MAP4K5: variants seen among roughly 807,000 people sequenced by gnomAD.
MAP4K5 encodes the protein mitogen-activated protein kinase kinase kinase kinase 5, also known as MAPK/ERK kinase kinase kinase 5.
In MAP4K5, 82 loss-of-function variants were observed where a neutral mutation model predicts 135.6. The observed-to-expected ratio is 0.60, with a 90% CI of 0.51 to 0.73. MAP4K5 has a LOEUF of 0.73. Ranked by LOEUF, MAP4K5 falls within the 30% of genes least tolerant of loss-of-function variation. The probability of loss-of-function intolerance (pLI) is 0.00; values close to 1 mark genes in which losing one functional copy is unlikely to be tolerated. For missense variants in MAP4K5, 907 were observed against 1,010.9 expected (o/e 0.90, Z 1.39); for synonymous variants, 347 against 335.0 (o/e 1.04, Z -0.39).
At chr14:50,466,323 A>C (rs181258564) in intron 11 of MAP4K5, among the ~76,000 whole-genome samples, 122 of 144,178 alleles carry the variant, frequency 8.5e-4, no homozygotes, top group Non-Finnish European at 1.6e-3. Flanking sequence ...TTGAGGTTGC[A>C]GTGAGTTATG....
At chr14:50,495,914 CAA>C (rs903437975) in intron 3 of MAP4K5, among the ~76,000 whole-genome samples, 2 of 152,140 alleles carry the variant, frequency 1.3e-5, no homozygotes. Flanking sequence ...GGGGAGGCAG[CAA>C]AGAGTTGTTG....
rs115900617 is a variant in MAP4K5 at position 50,549,792 on chromosome 14, A to C, written c.-179-7208T>G. Reference sequence around the variant, plus strand: ...AAAGGAATGGCCTTTTAAAAACCCAATTACATGCACTGTCCCAGAATGGCT... The same window carrying C: ...AAAGGAATGGCCTTTTAAAAACCCACTTACATGCACTGTCCCAGAATGGCT... On this transcript the variant is annotated intron_variant, in intron 1 of 8. Transcript: ENST00000555216. Among the ~76,000 whole-genome samples, 388 of 152,328 alleles carry C rather than the reference A, an allele frequency of 2.5e-3. 4 individuals are homozygous for C. The highest frequency in any genetic ancestry group is 9.0e-3 in the African/African-American group (376 of 41,572).
chr14:50,454,257 G>A (rs367755410), intron 14 of MAP4K5, among the ~76,000 whole-genome samples: 15 of 152,278 alleles, frequency 9.9e-5, no homozygotes, highest in East Asian at 7.7e-4. Context: ...TCGCCTGGGC[G>A]GAGAGAGGGC....
chr14:50,468,697 C>G lies in MAP4K5; in HGVS notation c.628G>C (p.Glu210Gln). 6.2e-7 allele frequency: 1 copy of G among 1,613,352 alleles called. No individual in the cohort carries two copies. The highest frequency in any genetic ancestry group is 8.5e-7 in the Non-Finnish European group (1 of 1,179,554). The change falls in exon 10 of 33, where the codon GAA (glutamate) becomes CAA (glutamine). Residue 210 changes from glutamate to glutamine, a missense_variant. Glu to Gln is a conservative substitution (Grantham distance 29). Coordinates refer to ENST00000682126, the MANE Select transcript of MAP4K5 (RefSeq NM_006575.6). The stretch of plus-strand genomic sequence containing the variant: ...ATAGGTGGCTGAAGTTCTCCAAGTT[C>G]AATTGCTGTTATTCCTACTGCCCAG... ...DIWAVGITAI[E>Q]LGELQPPMFD... is the part of the protein sequence containing the mutation.
chr14:50,485,501 C>T (rs561329006), intron 5 of MAP4K5, 77 bp downstream of exon 5: 4 of 895,416 alleles, frequency 4.5e-6, no homozygotes, highest in African/African-American at 3.4e-5. Context: ...TGTTAATTTC[C>T]GTGGTTAACT....
At chr14:50,514,465 G>A (rs1370817841) in intron 2 of MAP4K5, among the ~76,000 whole-genome samples, 1 of 152,142 alleles carries the variant, frequency 6.6e-6, no homozygotes, top group African/African-American at 2.4e-5. Context: ...TTAATACTAG[G>A]AATGTAATGA....
chr14:50,481,391 C>T (rs2037239598), intron 6 of MAP4K5, among the ~76,000 whole-genome samples: 1 of 151,280 alleles, frequency 6.6e-6, no homozygotes, highest in Admixed American at 6.6e-5. Flanking sequence ...ATGTGGGAAC[C>T]AACTCTTCAA....
chr14:50,437,906 C>T lies in MAP4K5; in HGVS notation c.1811G>A (p.Arg604Gln), dbSNP rs374938609. ...AHIQTHRFPD[R>Q]ILPRKFALTT... Reference sequence around the variant, plus strand: ...TGATATTTTGTACCTTGGTAGTATTCGGTCTGGAAACCTGTGAGTTTGAAT... The same window carrying T: ...TGATATTTTGTACCTTGGTAGTATTTGGTCTGGAAACCTGTGAGTTTGAAT... The change falls in exon 25 of 33, where the codon CGA (arginine) becomes CAA (glutamine). Residue 604 changes from arginine to glutamine, a missense_variant. Arg to Gln is a conservative substitution (Grantham distance 43). This residue lies in a region of MAP4K5 where 690 missense variants were observed against 777.4 expected (regional missense o/e 0.89). Transcript: ENST00000682126. 1.8e-5 allele frequency: 29 copies of T among 1,594,754 alleles called. No homozygotes were observed. Among genetic ancestry groups the T allele is most frequent in the African/African-American group, 4.0e-5 (3 of 74,440 alleles).
At chr14:50,451,422 T>A (rs1349113495) in intron 14 of MAP4K5, among the ~76,000 whole-genome samples, 1 of 152,162 alleles carries the variant, frequency 6.6e-6, no homozygotes, top group South Asian at 2.1e-4. Context: ...TGGCCAAGCA[T>A]TTTCCAAATT....
intron 10 of MAP4K5, among the ~76,000 whole-genome samples, chr14:50,467,677 CT>C (rs1037495308): frequency 1.3e-5 from 2 of 152,024 alleles, no homozygotes; most frequent in Non-Finnish European, 2.9e-5. Context: ...TTATAATCCC[CT>C]AAACGGTGGA....
chr14:50,507,602 T>G (rs2037838182), intron 2 of MAP4K5, among the ~76,000 whole-genome samples: 1 of 152,260 alleles, frequency 6.6e-6, no homozygotes, highest in Non-Finnish European at 1.5e-5. Context: ...CATTTCGTTA[T>G]GTACCCAGTA....
intron 2 of MAP4K5, among the ~76,000 whole-genome samples, chr14:50,513,656 A>G (rs1268066520): frequency 6.6e-6 from 1 of 152,038 alleles, no homozygotes; most frequent in Non-Finnish European, 1.5e-5. Flanking sequence ...ATCACCATGA[A>G]GAAAAATGAA....
intron 13 of MAP4K5, among the ~76,000 whole-genome samples, chr14:50,459,947 C>T (rs570154558): frequency 5.9e-5 from 9 of 151,940 alleles, no homozygotes; most frequent in South Asian, 2.1e-4. Context: ...GTGATCCAGC[C>T]GCCTCAGCCT....
intron 3 of MAP4K5, among the ~76,000 whole-genome samples, chr14:50,491,735 G>C (rs1420574498): frequency 6.7e-6 from 1 of 149,192 alleles, no homozygotes. Context: ...GCCCAGGCTA[G>C]AGTACAGTGG....
chr14:50,532,777 G>A (rs1452127464), upstream of MAP4K5: 5 of 152,806 alleles, frequency 3.3e-5, no homozygotes, highest in African/African-American at 9.6e-5. Flanking sequence ...GTCCTTGCAG[G>A]GCCTGGGCTG....
Position 50,429,195 on chromosome 14 carries a change from C to G in MAP4K5, c.2230G>C (p.Asp744His), listed in dbSNP as rs758009358. The G allele has an allele frequency of 6.5e-6, 10 of 1,539,422 alleles. No individual in the cohort carries two copies. In the East Asian group the frequency reaches 1.9e-4, roughly 30 times the overall value. Residue 744 changes from aspartate to histidine, a missense_variant, in exon 29 of 33, where the codon GAC becomes CAC. Around this residue, in one of 3 missense-constraint regions of MAP4K5, gnomAD observed 690 missense variants for 777.4 expected, o/e 0.89. Coordinates refer to ENST00000682126, the MANE Select transcript of MAP4K5 (RefSeq NM_006575.6). Reference protein sequence around the residue: ...LERDTVLVCLDKFVKIVNLQG... With the variant: ...LERDTVLVCLHKFVKIVNLQG... ...TAAAATTAAAAATAGTACTTACTGT[C>G]TAAACACACTAAAACGGTATCTCTC...
At chr14:50,517,882 T>C (rs2038067422) in intron 2 of MAP4K5, among the ~76,000 whole-genome samples, 5 of 152,244 alleles carry the variant, frequency 3.3e-5, no homozygotes, top group Admixed American at 2.6e-4. Flanking sequence ...ACTTTTATTA[T>C]AAATCATTTT....
intron 2 of MAP4K5, among the ~76,000 whole-genome samples, chr14:50,509,204 A>G (rs1006347245): frequency 2.5e-4 from 35 of 138,674 alleles, no homozygotes; most frequent in African/African-American, 8.5e-4. Flanking sequence ...GACACAGGGC[A>G]GGGAACATCA....
chr14:50,439,026 AATATTAAC>A (rs967368107), intron 23 of MAP4K5, among the ~76,000 whole-genome samples: 2 of 152,242 alleles, frequency 1.3e-5, no homozygotes, highest in African/African-American at 4.8e-5. Flanking sequence ...AGTAATATAA[AATATTAAC>A]ATATTAATAT....
Sources: gnomAD v4.1 joint callset for allele counts (sites outside exome capture counted in the v4.1 genomes callset) on GRCh38, gnomAD v4.1.1 for gene constraint, gnomAD v4.1.1 regional missense constraint, MANE v1.5 for transcripts, NCBI Gene and HGNC (gene_info 2026-07-23, HGNC 2026-07-21) for gene names.